Variants in SHISA6 observed in about 807,000 individuals in gnomAD.
The protein encoded by SHISA6 is shisa family member 6, also known as protein shisa-6.
In SHISA6, 22 loss-of-function variants were observed where a neutral mutation model predicts 47.9. The ratio of observed to expected loss-of-function variants is 0.46; its 90% confidence interval spans 0.33 to 0.66. SHISA6 has a LOEUF of 0.66. Ranked by LOEUF, SHISA6 falls within the 30% of genes least tolerant of loss-of-function variation. The pLI is 0.02. For missense variants in SHISA6, 680 were observed against 764.6 expected (o/e 0.89, Z 1.30); for synonymous variants, 388 against 337.8 (o/e 1.15, Z -1.63).
intron 3 of SHISA6, among the ~76,000 whole-genome samples, chr17:11,507,318 C>T (rs1249126933): frequency 1.3e-5 from 2 of 152,304 alleles, no homozygotes; most frequent in African/African-American, 4.8e-5. Flanking sequence ...CTGCCACCTA[C>T]GTCAAGCACA....
At chr17:11,379,152 AAT>A (rs996762910) in intron 2 of SHISA6, among the ~76,000 whole-genome samples, 8 of 148,284 alleles carry the variant, frequency 5.4e-5, no homozygotes, top group African/African-American at 1.7e-4. Flanking sequence ...TATATATACT[AAT>A]ATATACACAC....
At chr17:11,441,842 A>G (rs996957931) in intron 3 of SHISA6, among the ~76,000 whole-genome samples, 5 of 152,110 alleles carry the variant, frequency 3.3e-5, no homozygotes, top group Admixed American at 2.0e-4. Flanking sequence ...AGCGCTGCGA[A>G]CTACTTATTT....
chr17:11,392,127 A>T (rs1913405139), intron 3 of SHISA6, among the ~76,000 whole-genome samples: 1 of 152,146 alleles, frequency 6.6e-6, no homozygotes, highest in Non-Finnish European at 1.5e-5. Flanking sequence ...AATAGGATTG[A>T]TGTCAGACTC....
At chr17:11,379,221 AATAT>A (rs1387013371) in intron 2 of SHISA6, among the ~76,000 whole-genome samples, 189 bp from the exon 3 acceptor site, 2 of 148,218 alleles carry the variant, frequency 1.3e-5, no homozygotes, top group African/African-American at 4.9e-5. Flanking sequence ...TATATTCAGT[AATAT>A]ATATATTTTT....
chr17:11,257,182 G>A (rs985536442), intron 1 of SHISA6, among the ~76,000 whole-genome samples: 3 of 152,152 alleles, frequency 2.0e-5, no homozygotes, highest in African/African-American at 4.8e-5. Context: ...AGTGGACTCC[G>A]AGAGAACCGG....
chr17:11,444,248 G>C (rs1915172520), intron 3 of SHISA6, among the ~76,000 whole-genome samples: 1 of 152,174 alleles, frequency 6.6e-6, no homozygotes, highest in South Asian at 2.1e-4. Flanking sequence ...GAGCCCGGGA[G>C]GTAGAGGTTG....
At chr17:11,489,092 C>T (rs1444645374) in intron 3 of SHISA6, among the ~76,000 whole-genome samples, 1 of 152,174 alleles carries the variant, frequency 6.6e-6, no homozygotes, top group Non-Finnish European at 1.5e-5. Context: ...TTCTGGTCAT[C>T]CCCTTCACCG....
intron 3 of SHISA6, among the ~76,000 whole-genome samples, chr17:11,458,308 C>A (rs890573352): frequency 6.6e-6 from 1 of 152,112 alleles, no homozygotes. Flanking sequence ...AAGAAGTCAA[C>A]CTTGCAAAGC....
At chr17:11,527,068 C>G (rs984244387) in intron 3 of SHISA6, among the ~76,000 whole-genome samples, 22 of 151,810 alleles carry the variant, frequency 1.4e-4, no homozygotes, top group African/African-American at 3.9e-4. Context: ...AAAGGGAAAC[C>G]CTTTACCACC....
chr17:11,447,993 C>T (rs368109792), intron 3 of SHISA6, among the ~76,000 whole-genome samples: 10 of 152,122 alleles, frequency 6.6e-5, no homozygotes, highest in Non-Finnish European at 8.8e-5. Flanking sequence ...TTTGTAGAGA[C>T]GAGCTGGACT....
At chr17:11,493,058 A>G (rs1007527856) in intron 3 of SHISA6, among the ~76,000 whole-genome samples, 2 of 152,128 alleles carry the variant, frequency 1.3e-5, no homozygotes, top group African/African-American at 4.8e-5. Context: ...ACTAACATTT[A>G]TCCAACTTTT....
In SHISA6 at chr17:11,502,330, A is replaced by AGGATT. The variant is rs1261907752; in HGVS notation, c.896-49566_896-49565insGGATT. On this transcript the variant is annotated intron_variant, in intron 3 of 5. Transcript: ENST00000441885. ...AGGCTGAGGCAGGAGAATGGCGTGAACCCGGGAGGCGGAGCTTGCAGTGAG... is the reference window on the plus strand; with the variant it reads ...AGGCTGAGGCAGGAGAATGGCGTGAAGGATTCCCGGGAGGCGGAGCTTGCAGTGAG... 1.5e-3 allele frequency among the ~76,000 whole-genome samples: 209 copies of AGGATT among 140,504 alleles called. 1 individual carries two copies. The highest frequency in any genetic ancestry group is 5.0e-3 in the African/African-American group (189 of 37,748). The allele number at this position is 140,504 out of a possible 152,430, so 92.2% of individuals were successfully genotyped here. A position where few individuals can be genotyped will look rare whatever the true frequency, so the allele number is the denominator to read the frequency against.
intron 2 of SHISA6, among the ~76,000 whole-genome samples, chr17:11,281,355 T>C (rs1909114471): frequency 6.6e-6 from 1 of 152,170 alleles, no homozygotes; most frequent in Non-Finnish European, 1.5e-5. Flanking sequence ...AGAGTTTTTA[T>C]GAGGAGTGGA....
At chr17:11,501,764 A>G (rs2071455810) in intron 3 of SHISA6, among the ~76,000 whole-genome samples, 1 of 152,052 alleles carries the variant, frequency 6.6e-6, no homozygotes, top group African/African-American at 2.4e-5. Flanking sequence ...ATTTAGAGAA[A>G]AAGAGCCTCC....
At chr17:11,332,613 G>A (rs1911161343) in intron 2 of SHISA6, among the ~76,000 whole-genome samples, 1 of 152,112 alleles carries the variant, frequency 6.6e-6, no homozygotes, top group Admixed American at 6.6e-5. Context: ...CCTTTCGCAG[G>A]CTCAGGTTTG....
chr17:11,491,454 C>T (rs889471871), intron 3 of SHISA6, among the ~76,000 whole-genome samples: 1 of 152,104 alleles, frequency 6.6e-6, no homozygotes, highest in African/African-American at 2.4e-5. Flanking sequence ...GCGAGTGTCA[C>T]CATGCCAGCT....
chr17:11,425,612 A>G (rs1329378206), intron 3 of SHISA6, among the ~76,000 whole-genome samples: 3 of 152,206 alleles, frequency 2.0e-5, no homozygotes, highest in African/African-American at 4.8e-5. Context: ...GTGAAAAATT[A>G]TTGGTTTATA....
intron 2 of SHISA6, among the ~76,000 whole-genome samples, chr17:11,332,609 G>T (rs569434942): frequency 1.3e-5 from 2 of 152,068 alleles, no homozygotes; most frequent in Non-Finnish European, 2.9e-5. Flanking sequence ...TCTCCCTTTC[G>T]CAGGCTCAGG....
intron 3 of SHISA6, among the ~76,000 whole-genome samples, chr17:11,497,193 G>A (rs189318644): frequency 8.5e-5 from 13 of 152,272 alleles, no homozygotes; most frequent in African/African-American, 3.1e-4. Flanking sequence ...CCAAATAAAT[G>A]GATGAGGAAT....
Sources: gnomAD v4.1 joint callset for allele counts (sites outside exome capture counted in the v4.1 genomes callset) on GRCh38, gnomAD v4.1.1 for gene constraint, MANE v1.5 for transcripts, NCBI Gene and HGNC (gene_info 2026-07-23, HGNC 2026-07-21) for gene names.